Variants in RYR3 observed in about 807,000 individuals in gnomAD.
RYR3 encodes brain ryanodine receptor-calcium release channel.
In RYR3, 207 loss-of-function variants were observed where a neutral mutation model predicts 584.3. The observed-to-expected ratio is 0.35, with a 90% CI of 0.32 to 0.40. The LOEUF is 0.40. RYR3 is among the 10% of genes least tolerant of loss of function. The pLI, the probability that RYR3 is intolerant of heterozygous loss-of-function variation, is 1.00. For missense variants in RYR3, 5,616 were observed against 6,089.2 expected (o/e 0.92, Z 2.59); for synonymous variants, 2,416 against 2,248.5 (o/e 1.07, Z -2.11).
At chr15:33,470,550 T>C (rs761315406) in intron 1 of RYR3, among the ~76,000 whole-genome samples, 91 of 152,068 alleles carry the variant, frequency 6.0e-4, no homozygotes, top group Non-Finnish European at 4.4e-5. Flanking sequence ...CTTTATAAAA[T>C]AGAGCAAATC....
intron 3 of RYR3, among the ~76,000 whole-genome samples, chr15:33,521,845 C>T (rs1371418053): frequency 6.6e-6 from 1 of 152,096 alleles, no homozygotes; most frequent in Non-Finnish European, 1.5e-5. Flanking sequence ...TTGGTCCTGT[C>T]TTTTTAGTAA....
intron 2 of RYR3, among the ~76,000 whole-genome samples, chr15:33,499,739 A>G (rs568010639): frequency 6.6e-6 from 1 of 152,350 alleles, no homozygotes; most frequent in Non-Finnish European, 1.5e-5. Context: ...AAACTAAGTT[A>G]CCTGCATAAT....
At chr15:33,497,174 G>A (rs2051514879) in intron 2 of RYR3, among the ~76,000 whole-genome samples, 1 of 152,120 alleles carries the variant, frequency 6.6e-6, no homozygotes, top group African/African-American at 2.4e-5. Context: ...GCCTGCCTCT[G>A]CTGACATCTG....
At chr15:33,664,599 A>ATATATG (rs2063378999) in intron 36 of RYR3, among the ~76,000 whole-genome samples, 1 of 127,296 alleles carries the variant, frequency 7.9e-6, no homozygotes, top group South Asian at 2.6e-4. Flanking sequence ...GTATATATAT[A>ATATATG]TATATATATA....
At chr15:33,466,641 T>G (rs1311023313) in intron 1 of RYR3, among the ~76,000 whole-genome samples, 1 of 152,222 alleles carries the variant, frequency 6.6e-6, no homozygotes, top group African/African-American at 2.4e-5. Context: ...TTTCATAATG[T>G]GTGCAAAATG....
intron 1 of RYR3, among the ~76,000 whole-genome samples, chr15:33,460,940 C>CTTTTT (rs66742049): frequency 0.057 from 4,498 of 79,050 alleles, 805 homozygotes; most frequent in African/African-American, 0.21. Flanking sequence ...TAATATCCAC[C>CTTTTT]TTTTTTTTTT....
At chr15:33,401,984 C>G (rs1339074367) in intron 1 of RYR3, among the ~76,000 whole-genome samples, 2 of 152,158 alleles carry the variant, frequency 1.3e-5, no homozygotes, top group Non-Finnish European at 2.9e-5. Context: ...GGCCAAGGAC[C>G]ACAAAGTAGT....
chr15:33,483,984 G>T (rs2050192070), intron 2 of RYR3, among the ~76,000 whole-genome samples: 1 of 152,044 alleles, frequency 6.6e-6, no homozygotes. Flanking sequence ...TCTTTAAAAA[G>T]TAATATTCCT....
At chr15:33,536,109 A>G (rs1438086073) in intron 5 of RYR3, among the ~76,000 whole-genome samples, 1 of 152,212 alleles carries the variant, frequency 6.6e-6, no homozygotes, top group Non-Finnish European at 1.5e-5. Flanking sequence ...GGAGGTTCAC[A>G]CGGAATCCAA....
chr15:33,808,890 C>T (rs1190014363), intron 70 of RYR3, among the ~76,000 whole-genome samples: 1 of 152,112 alleles, frequency 6.6e-6, no homozygotes, highest in Non-Finnish European at 1.5e-5. Flanking sequence ...GAGCACTGGA[C>T]GCAAGATACC....
At chr15:33,588,881 A>G (rs1388707671) in intron 16 of RYR3, among the ~76,000 whole-genome samples, 1 of 152,106 alleles carries the variant, frequency 6.6e-6, no homozygotes, top group Non-Finnish European at 1.5e-5. Flanking sequence ...CGTTCGTTCC[A>G]TGTCTTTGCT....
chr15:33,609,978 A>G (rs928864699), intron 18 of RYR3, among the ~76,000 whole-genome samples: 4 of 152,150 alleles, frequency 2.6e-5, no homozygotes, highest in Admixed American at 6.5e-5. Context: ...AGGTGCTTCA[A>G]TGAGGAAGTT....
chr15:33,729,049 A>C, intron 47 of RYR3, 23 bp downstream of exon 47: 1 of 1,603,942 alleles, frequency 6.2e-7, no homozygotes, highest in Non-Finnish European at 8.5e-7. Context: ...AATAACAAAA[A>C]ATTATTGTTC....
chr15:33,455,150 G>A (rs1326000384), intron 1 of RYR3, among the ~76,000 whole-genome samples: 2 of 152,154 alleles, frequency 1.3e-5, no homozygotes, highest in East Asian at 1.9e-4. Flanking sequence ...ATGACTTCCA[G>A]GTCTCTCCAT....
chr15:33,608,989 G>A (rs1482888708), intron 18 of RYR3, among the ~76,000 whole-genome samples: 1 of 152,218 alleles, frequency 6.6e-6, no homozygotes. Context: ...AAGCCCTGCT[G>A]CAGATGAAGA....
At chr15:33,376,814 T>C (rs1265118769) in intron 1 of RYR3, among the ~76,000 whole-genome samples, 2 of 152,178 alleles carry the variant, frequency 1.3e-5, no homozygotes, top group African/African-American at 4.8e-5. Flanking sequence ...ATGAGTTAGG[T>C]GTTGAATTAT....
chr15:33,828,559 G>A (rs1433270685), intron 85 of RYR3, among the ~76,000 whole-genome samples: 1 of 152,198 alleles, frequency 6.6e-6, no homozygotes, highest in Non-Finnish European at 1.5e-5. Flanking sequence ...CTGAAATGGG[G>A]ACAGTGCGAG....
chr15:33,637,949 C>T (rs1182463985), intron 27 of RYR3, among the ~76,000 whole-genome samples: 2 of 152,116 alleles, frequency 1.3e-5, no homozygotes, highest in African/African-American at 2.4e-5. Context: ...CTATCCCTCC[C>T]CGCTCCCCCC....
At chr15:33,741,486 T>TGTA (rs1488972499) in intron 51 of RYR3, among the ~76,000 whole-genome samples, 1 of 724 alleles carries the variant, frequency 1.4e-3, no homozygotes, top group Non-Finnish European at 5.2e-3. Flanking sequence ...CTGCATGCAA[T>TGTA]ATAAGACTGT....
Sources: gnomAD v4.1 joint callset for allele counts (sites outside exome capture counted in the v4.1 genomes callset) on GRCh38, gnomAD v4.1.1 for gene constraint, MANE v1.5 for transcripts, NCBI Gene and HGNC (gene_info 2026-07-23, HGNC 2026-07-21) for gene names.